The following SLC25A32 variants were observed in gnomAD, a reference collection of about 807,000 sequenced individuals.
SLC25A32 encodes the protein Glycine auxotroph B, complementation of hamster.
In SLC25A32, 32 loss-of-function variants were observed where a neutral mutation model predicts 39.0. The observed-to-expected ratio is 0.82, with a 90% CI of 0.62 to 1.10. SLC25A32 has a LOEUF of 1.10. Among genes scored for constraint, SLC25A32 ranks in the 50% least tolerant of loss-of-function variants. The pLI is 0.00. For synonymous variants in SLC25A32, 166 were observed against 152.4 expected, an observed-to-expected ratio of 1.09 and a Z score of -0.66; for missense variants, 367 against 395.3, an observed-to-expected ratio of 0.93 and a Z score of 0.61.
Position 103,411,556 on chromosome 8 carries a change from C to T in SLC25A32, c.154+3228G>A, listed in dbSNP as rs115947041. Among the ~76,000 whole-genome samples the T allele has an allele frequency of 7.4e-3, 1,124 of 152,282 alleles. 11 individuals carry two copies. Among genetic ancestry groups the T allele is most frequent in the African/African-American group, 0.025 (1,024 of 41,546 alleles). On this transcript the variant is annotated intron_variant, in intron 1 of 6. Transcript: ENST00000297578. ...CTTTCTTAGGAACCCCTTAATACAC[C>T]TGATATTGTGTAAATCCCTCTCTTC...
rs1586115042 is a variant in SLC25A32 at position 103,407,540 on chromosome 8, A to G, written c.305+94T>C. The G allele has an allele frequency of 4.8e-6, 5 of 1,036,046 alleles. 1 individual carries two copies. The East Asian group carries it at 1.3e-4, about 26-fold the overall frequency. The allele number at this position is 1,036,046 out of a possible 1,614,324, so 64.2% of individuals were successfully genotyped here. A position where few individuals can be genotyped will look rare whatever the true frequency, so the allele number is the denominator to read the frequency against. On this transcript the variant is annotated intron_variant, in intron 2 of 6. Transcript: ENST00000297578. Reference sequence around the variant, plus strand: ...CCAATTCAGAGAAACTGATTAAATGACTCAACTTATCATTTTACATTTACA... The same window carrying G: ...CCAATTCAGAGAAACTGATTAAATGGCTCAACTTATCATTTTACATTTACA...
At chr8:103,410,945 G>A (rs117849763) in intron 1 of SLC25A32, among the ~76,000 whole-genome samples, 7,870 of 152,124 alleles carry the variant, frequency 0.052, 267 homozygotes, top group Non-Finnish European at 0.078. Flanking sequence ...TGACAAGTTT[G>A]TCTCTCTTAA....
Position 103,398,983 on chromosome 8 carries a change from T to A in SLC25A32, c.*1428A>T, listed in dbSNP as rs886836383. 1 of 152,248 alleles carries A rather than the reference T, an allele frequency of 6.6e-6. No homozygotes were observed. Among genetic ancestry groups the A allele is most frequent in the Non-Finnish European group, 1.5e-5 (1 of 68,032 alleles). The allele number at this position is 152,248 out of a possible 1,614,324, so 9.4% of individuals were successfully genotyped here. A position where few individuals can be genotyped will look rare whatever the true frequency, so the allele number is the denominator to read the frequency against. Reference sequence around the variant, plus strand: ...AAGATGGCTTTGAAAACAACACTTTTATTTACAACAAATAGATGGTAGTGC... The same window carrying A: ...AAGATGGCTTTGAAAACAACACTTTAATTTACAACAAATAGATGGTAGTGC... On this transcript the variant is annotated 3_prime_UTR_variant, in exon 7 of 7. Transcript: ENST00000297578.
chr8:103,411,238 CTTAG>C (rs1188591695), intron 1 of SLC25A32, among the ~76,000 whole-genome samples: 2 of 152,180 alleles, frequency 1.3e-5, no homozygotes, highest in Non-Finnish European at 2.9e-5. Context: ...GATAACCCAC[CTTAG>C]TTAGATACGT....
chr8:103,400,288 A>C lies in SLC25A32; in HGVS notation c.*123T>G. ...GAGACTTAGCAGTTCTCTGGCTTCTAATGACTATAGAGCAATTTCGAATAT... is the reference window on the plus strand; with the variant it reads ...GAGACTTAGCAGTTCTCTGGCTTCTCATGACTATAGAGCAATTTCGAATAT... On this transcript the variant is annotated 3_prime_UTR_variant, in exon 7 of 7. Coordinates refer to ENST00000297578, the MANE Select transcript of SLC25A32 (RefSeq NM_030780.5). 8.7e-7 allele frequency: 1 copy of C among 1,154,280 alleles called. No homozygotes were observed. The highest frequency in any genetic ancestry group is 2.4e-5 in the East Asian group (1 of 41,850). 71.5% of individuals were successfully genotyped at this position (1,154,280 alleles called of 1,614,324 possible).
intron 1 of SLC25A32, among the ~76,000 whole-genome samples, chr8:103,412,696 TA>T (rs1303598129): frequency 6.6e-6 from 1 of 152,186 alleles, no homozygotes; most frequent in Non-Finnish European, 1.5e-5. Flanking sequence ...TCTCCCGAGC[TA>T]AACTAGTTCC....
rs750146965 is a variant in SLC25A32 at position 103,400,458 on chromosome 8, C to T, written c.901G>A (p.Glu301Lys). The T allele has an allele frequency of 6.2e-7, 1 of 1,614,098 alleles. No individual in the cohort carries two copies. Among genetic ancestry groups the T allele is most frequent in the East Asian group, 2.2e-5 (1 of 44,874 alleles). Residue 301 changes from glutamate (E) to lysine (K), a missense_variant, in exon 7 of 7, where the codon GAA becomes AAA. Transcript: ENST00000297578. ...PACCITFVVY[E>K]NVSHFLLDLR... ...TCAAGTAAAAAATGTGAGACGTTTT[C>T]ATATACCACAAAGGTAATACAGCAG...
chr8:103,407,961 A>T (rs1009842526), intron 1 of SLC25A32, among the ~76,000 whole-genome samples, 177 bp from the exon 2 acceptor site: 4 of 146,294 alleles, frequency 2.7e-5, no homozygotes, highest in African/African-American at 9.9e-5. Context: ...ATATATAAAT[A>T]TATATATATA....
At chr8:103,405,435 G>C (rs1013335712) in intron 2 of SLC25A32, among the ~76,000 whole-genome samples, 6 of 152,138 alleles carry the variant, frequency 3.9e-5, no homozygotes, top group Non-Finnish European at 7.3e-5. Context: ...TATTGAGACA[G>C]GCACAGTTTC....
rs750068948 is a variant in SLC25A32 at position 103,400,362 on chromosome 8, G to C, written c.*49C>G. The C allele has an allele frequency of 1.2e-6, 2 of 1,605,834 alleles. No individual in the cohort carries two copies. Among genetic ancestry groups the C allele is most frequent in the Non-Finnish European group, 1.7e-6 (2 of 1,175,696 alleles). ...CTTCTTTTATGCCTTAAACACAAAA[G>C]AGCTTGTTGCTGCCTTGGGCAGATA... is the stretch of plus-strand genomic sequence containing the variant. On this transcript the variant is annotated 3_prime_UTR_variant, in exon 7 of 7. Transcript: ENST00000297578.
intron 2 of SLC25A32, among the ~76,000 whole-genome samples, chr8:103,405,662 T>TA (rs201957062): frequency 0.016 from 2,326 of 146,572 alleles, 26 homozygotes; most frequent in Non-Finnish European, 0.022. Context: ...ACATTCTTTC[T>TA]TTTTTTTTTT....
At position 103,400,328 on chromosome 8, in the gene SLC25A32, T is replaced by C. The variant is rs1816190182; in HGVS notation, c.*83A>G. ...ATTTCGAATATGAGCCATGTTTCTA[T>C]GCAGAATTCTTCTTTTATGCCTTAA... On this transcript the variant is annotated 3_prime_UTR_variant, in exon 7 of 7. Coordinates refer to ENST00000297578, the MANE Select transcript of SLC25A32 (RefSeq NM_030780.5). 3 of 1,490,670 alleles carry C rather than the reference T, an allele frequency of 2.0e-6. No homozygotes were observed. The highest frequency in any genetic ancestry group is 2.3e-5 in the East Asian group (1 of 44,352). The allele number at this position is 1,490,670 out of a possible 1,614,324, so 92.3% of individuals were successfully genotyped here.
chr8:103,415,047 G>A lies in SLC25A32; in HGVS notation c.-110C>T, dbSNP rs1816569081. ...CCCTTGTGAGCGCAACCCCACCTCC[G>A]GGACCAACGAGAGGACTCTTATGCC... On this transcript the variant is annotated 5_prime_UTR_variant, in exon 1 of 7. Coordinates refer to ENST00000297578, the MANE Select transcript of SLC25A32 (RefSeq NM_030780.5). The A allele has an allele frequency of 1.3e-6, 2 of 1,596,462 alleles. No homozygotes were observed. Among genetic ancestry groups the A allele is most frequent in the Non-Finnish European group, 1.7e-6 (2 of 1,171,922 alleles).
At chr8:103,409,763 C>T (rs1263758691) in intron 1 of SLC25A32, among the ~76,000 whole-genome samples, 1 of 152,174 alleles carries the variant, frequency 6.6e-6, no homozygotes, top group African/African-American at 2.4e-5. Context: ...CATTAACCTG[C>T]CAACGTTACA....
At chr8:103,404,287 A>G (rs977830259) in intron 3 of SLC25A32, among the ~76,000 whole-genome samples, 1 of 152,190 alleles carries the variant, frequency 6.6e-6, no homozygotes, top group African/African-American at 2.4e-5. Context: ...TAATCATAAT[A>G]ATTTCTGCTA....
intron 1 of SLC25A32, among the ~76,000 whole-genome samples, chr8:103,408,542 T>C (rs898523505): frequency 6.7e-6 from 1 of 150,218 alleles, no homozygotes; most frequent in Non-Finnish European, 1.5e-5. Flanking sequence ...GACTGAGGAG[T>C]GGCAGGAAAG....
chr8:103,407,848 A>C, intron 1 of SLC25A32, 64 bp from the exon 2 acceptor site: 1 of 1,396,010 alleles, frequency 7.2e-7, no homozygotes, highest in Non-Finnish European at 9.9e-7. Context: ...ACATATAAAC[A>C]CAGACACTGT....
intron 1 of SLC25A32, among the ~76,000 whole-genome samples, chr8:103,409,055 G>C (rs754642595): frequency 1.3e-5 from 2 of 152,134 alleles, no homozygotes; most frequent in Non-Finnish European, 2.9e-5. Flanking sequence ...GTAACTCTAG[G>C]GCATGAGGGG....
chr8:103,403,341 A>G lies in SLC25A32; in HGVS notation c.392-17T>C, dbSNP rs555371711. The G allele has an allele frequency of 1.0e-5, 16 of 1,583,354 alleles. No individual in the cohort carries two copies. Among genetic ancestry groups the G allele is most frequent in the Middle Eastern group, 1.7e-4 (1 of 5,948 alleles). On this transcript the variant is annotated splice_polypyrimidine_tract_variant and intron_variant, in intron 3 of 6. Coordinates refer to ENST00000297578, the MANE Select transcript of SLC25A32 (RefSeq NM_030780.5). The stretch of plus-strand genomic sequence containing the variant: ...TCATGGCTCCTAAAATGAGATTTCA[A>G]TAAGATTATTCAGCATACAGATACT...
Sources: allele counts gnomAD v4.1 joint callset (sites outside exome capture counted in the v4.1 genomes callset), GRCh38; gene constraint gnomAD v4.1.1; transcripts MANE v1.5; gene names NCBI Gene and HGNC (gene_info 2026-07-23, HGNC 2026-07-21).